Variants in STS observed in about 807,000 individuals in gnomAD.
The protein encoded by STS is steryl-sulfatase.
In STS, 7 loss-of-function variants were observed where a neutral mutation model predicts 26.8. The ratio of observed to expected loss-of-function variants is 0.26; its 90% confidence interval spans 0.15 to 0.49. The LOEUF is 0.49. STS is among the 20% of genes least tolerant of loss of function. STS has a pLI of 0.98. For missense variants in STS, 434 were observed against 465.6 expected (o/e 0.93, Z 0.63); for synonymous variants, 199 against 189.4 (o/e 1.05, Z -0.42).
chrX:7,267,883 A>G (rs934546653), intron 6 of STS, among the ~76,000 whole-genome samples: 1 of 112,175 alleles, frequency 8.9e-6, no homozygotes, highest in African/African-American at 3.2e-5. Context: ...GTCAAGCTCA[A>G]TGTAGGATAA....
chrX:7,147,722 G>C lies in STS; in HGVS notation c.-495G>C, dbSNP rs1350669828. On this transcript the variant is annotated 5_prime_UTR_variant, in exon 1 of 11. Coordinates refer to ENST00000674429, the MANE Select transcript of STS (RefSeq NM_001320752.2). ...GTCCCGCCGCGCCTCGCTCTGAGGA[G>C]AGGACGCGGAGCCGCGCGCCCGCCC... The C allele has an allele frequency of 8.9e-6, 1 of 112,788 alleles. No homozygotes were observed. The highest frequency in any genetic ancestry group is 9.3e-5 in the Admixed American group (1 of 10,780). 9.3% of individuals were successfully genotyped at this position (112,788 alleles called of 1,213,427 possible).
In STS at chrX:7,148,006, C is replaced by A. The variant is rs1158849981; in HGVS notation, c.-211C>A. The stretch of plus-strand genomic sequence containing the variant: ...TACCCCGCGCCGACCGTCCCCACGC[C>A]CACACAAGACCGCCCTTACTGGAGG... On this transcript the variant is annotated 5_prime_UTR_variant, in exon 1 of 11. Transcript: ENST00000674429. 3.9e-6 allele frequency: 4 copies of A among 1,029,742 alleles called. No homozygotes were observed. Among genetic ancestry groups the A allele is most frequent in the Non-Finnish European group, 5.3e-6 (4 of 761,252 alleles). 84.9% of individuals were successfully genotyped at this position (1,029,742 alleles called of 1,213,427 possible).
At chrX:7,295,219 A>G (rs1233819091) in intron 7 of STS, among the ~76,000 whole-genome samples, 1 of 112,018 alleles carries the variant, frequency 8.9e-6, no homozygotes, top group Non-Finnish European at 1.9e-5. Context: ...GGTCAGAACT[A>G]GAGTTGAATA....
chrX:7,161,564 A>G (rs1447357409), intron 1 of STS, among the ~76,000 whole-genome samples: 1 of 111,984 alleles, frequency 8.9e-6, no homozygotes, highest in Non-Finnish European at 1.9e-5. Flanking sequence ...AATTCCTTTG[A>G]TCTCTTTCAA....
At chrX:7,159,102 A>C (rs763240719) in intron 1 of STS, among the ~76,000 whole-genome samples, 21 of 111,211 alleles carry the variant, frequency 1.9e-4, no homozygotes, top group Non-Finnish European at 3.6e-4. Context: ...AGAAGCAAAG[A>C]CTCAGATTAG....
chrX:7,233,944 C>T (rs777351680), intron 2 of STS, among the ~76,000 whole-genome samples: 7 of 111,996 alleles, frequency 6.3e-5, no homozygotes, highest in African/African-American at 9.7e-5. Context: ...CCCAGAGGCC[C>T]TCTGATATTG....
intron 7 of STS, among the ~76,000 whole-genome samples, chrX:7,292,481 C>A (rs1178287584): frequency 8.9e-6 from 1 of 112,262 alleles, no homozygotes; most frequent in Non-Finnish European, 1.9e-5. Flanking sequence ...GAATATACAT[C>A]CACATTCATA....
chrX:7,307,986 A>T (rs1569220229), intron 8 of STS, among the ~76,000 whole-genome samples: 1 of 112,370 alleles, frequency 8.9e-6, no homozygotes, highest in Non-Finnish European at 1.9e-5. Context: ...CTTCTTGCTT[A>T]TCAGTTGCTC....
intron 2 of STS, among the ~76,000 whole-genome samples, chrX:7,201,137 T>A (rs1467256699): frequency 9.0e-6 from 1 of 110,902 alleles, no homozygotes; most frequent in Non-Finnish European, 1.9e-5. Flanking sequence ...AGATGATGGA[T>A]GATAGGCAGA....
intron 2 of STS, among the ~76,000 whole-genome samples, chrX:7,202,924 ATCTC>A (rs1302228436): frequency 9.2e-6 from 1 of 108,483 alleles, no homozygotes. Flanking sequence ...CTCTGTGTCT[ATCTC>A]TCTCTATCCA....
At chrX:7,277,514 G>C (rs1490572679) in intron 7 of STS, among the ~76,000 whole-genome samples, 2 of 111,555 alleles carry the variant, frequency 1.8e-5, no homozygotes, top group Admixed American at 9.6e-5. Context: ...ACAAGACTGG[G>C]CTCTTCTTCC....
chrX:7,188,202 A>G (rs1353161847), intron 1 of STS, among the ~76,000 whole-genome samples: 1 of 111,646 alleles, frequency 9.0e-6, no homozygotes, highest in African/African-American at 3.3e-5. Context: ...CCTAAAACCT[A>G]TTTGCCTGTG....
intron 7 of STS, among the ~76,000 whole-genome samples, chrX:7,285,995 G>A (rs5979315): frequency 0.3 from 33,663 of 110,593 alleles, 3,902 homozygotes; most frequent in Middle Eastern, 0.46. Flanking sequence ...TCTCATTTAT[G>A]AATCCCAAGG....
chrX:7,200,320 T>C (rs1934046763), intron 2 of STS, among the ~76,000 whole-genome samples: 1 of 111,652 alleles, frequency 9.0e-6, no homozygotes, highest in Non-Finnish European at 1.9e-5. Flanking sequence ...AAGAAAATTT[T>C]TGTCAGACAT....
rs566808879 is a variant in STS at position 7,342,088 on chromosome X, C to T, written c.1364-7800C>T. ...TCGGCCTCCCAAAGTGCTGGGATTA[C>T]AGGTGAGGGCCACTGTGCCTGGCCC... On this transcript the variant is annotated intron_variant, in intron 10 of 10. Coordinates refer to ENST00000674429, the MANE Select transcript of STS (RefSeq NM_001320752.2). Among the ~76,000 whole-genome samples the T allele has an allele frequency of 3.6e-5, 4 of 112,096 alleles. No individual in the cohort carries two copies. The East Asian group carries it at 8.4e-4, about 24-fold the overall frequency.
chrX:7,227,286 G>T (rs1208372092), intron 2 of STS, among the ~76,000 whole-genome samples: 1 of 110,529 alleles, frequency 9.0e-6, no homozygotes, highest in Non-Finnish European at 1.9e-5. Flanking sequence ...ATGTTACTTT[G>T]AATTATTTTA....
chrX:7,317,751 G>A (rs1174864882), intron 8 of STS, among the ~76,000 whole-genome samples: 1 of 111,682 alleles, frequency 9.0e-6, no homozygotes, highest in African/African-American at 3.3e-5. Flanking sequence ...TTACAGGTGT[G>A]AGCCACTGTG....
intron 3 of STS, among the ~76,000 whole-genome samples, chrX:7,255,559 A>G (rs1439124226): frequency 8.9e-6 from 1 of 112,032 alleles, no homozygotes; most frequent in Non-Finnish European, 1.9e-5. Flanking sequence ...AGCCCCATGG[A>G]AGAATTCATG....
Position 7,257,592 on chromosome X carries a change from T to G in STS, c.382+4T>G. On this transcript the variant is annotated splice_donor_region_variant and intron_variant, in intron 5 of 10. Transcript: ENST00000674429. ...GGTTATTCAACAGCACTGATAGGTA[T>G]GGACATCTATGGGATGGGAACCATC... 2.5e-6 allele frequency: 3 copies of G among 1,211,387 alleles called. No homozygotes were observed. The highest frequency in any genetic ancestry group is 3.4e-6 in the Non-Finnish European group (3 of 895,327).
Sources: gnomAD v4.1 joint callset for allele counts (sites outside exome capture counted in the v4.1 genomes callset) on GRCh38, gnomAD v4.1.1 for gene constraint, MANE v1.5 for transcripts, NCBI Gene and HGNC (gene_info 2026-07-23, HGNC 2026-07-21) for gene names.